The following PHF21A variants were observed in gnomAD, a reference collection of about 807,000 sequenced individuals.
The protein encoded by PHF21A is PHD finger protein 21A, also known as BHC80a.
PHF21A carries 11 observed loss-of-function variants against 82.5 expected under a neutral mutation model. That is an observed-to-expected ratio of 0.13 (90% CI 0.08 to 0.22). The LOEUF (loss-of-function observed/expected upper bound fraction) is 0.22. Among genes scored for constraint, PHF21A ranks in the 10% least tolerant of loss-of-function variants. The pLI, the probability that PHF21A is intolerant of heterozygous loss-of-function variation, is 1.00. For missense variants in PHF21A, 579 were observed against 837.8 expected (o/e 0.69, Z 3.81); for synonymous variants, 297 against 302.8 (o/e 0.98, Z 0.20).
intron 6 of PHF21A, among the ~76,000 whole-genome samples, chr11:46,008,973 T>C (rs2095357766): frequency 7.0e-6 from 1 of 142,486 alleles, no homozygotes; most frequent in African/African-American, 2.6e-5. Context: ...ACATTTCACT[T>C]TTTTTTTTTT....
chr11:45,944,424 T>G (rs1005466389), intron 15 of PHF21A, among the ~76,000 whole-genome samples: 2 of 152,200 alleles, frequency 1.3e-5, no homozygotes, highest in Non-Finnish European at 2.9e-5. Context: ...TTCTGTAGGT[T>G]TGAAAATTTT....
At chr11:45,975,119 G>T (rs563413977) in intron 7 of PHF21A, among the ~76,000 whole-genome samples, 5 of 152,024 alleles carry the variant, frequency 3.3e-5, no homozygotes, top group Middle Eastern at 3.4e-3. Flanking sequence ...TTTGAGACCA[G>T]CCTTGGCAAC....
At chr11:45,970,441 C>G (rs1002306998) in intron 8 of PHF21A, 2 of 152,758 alleles carry the variant, frequency 1.3e-5, no homozygotes, top group East Asian at 3.8e-4. Context: ...CCACCAAGAG[C>G]TCTTAGGTGC....
intron 3 of PHF21A, among the ~76,000 whole-genome samples, chr11:46,085,440 C>T (rs541360576): frequency 9.2e-5 from 14 of 152,244 alleles, no homozygotes; most frequent in Non-Finnish European, 5.9e-5. Context: ...TAAATTATTT[C>T]GATGGCTAAT....
intron 6 of PHF21A, among the ~76,000 whole-genome samples, chr11:46,039,543 A>G (rs895381178): frequency 6.6e-6 from 1 of 152,196 alleles, no homozygotes; most frequent in Non-Finnish European, 1.5e-5. Flanking sequence ...TGCAAGTGTC[A>G]GCATGGAGAA....
intron 9 of PHF21A, among the ~76,000 whole-genome samples, chr11:45,967,674 T>G (rs1345925739): frequency 6.6e-6 from 1 of 152,212 alleles, no homozygotes; most frequent in Non-Finnish European, 1.5e-5. Context: ...GATGCTATCT[T>G]GCTCACAAGC....
At chr11:46,033,055 A>C (rs2095900889) in intron 6 of PHF21A, among the ~76,000 whole-genome samples, 1 of 152,112 alleles carries the variant, frequency 6.6e-6, no homozygotes, top group Non-Finnish European at 1.5e-5. Flanking sequence ...CCACTTATAT[A>C]ATTATCCATA....
chr11:46,092,828 G>A (rs2096941997), intron 1 of PHF21A, among the ~76,000 whole-genome samples: 1 of 145,120 alleles, frequency 6.9e-6, no homozygotes, highest in African/African-American at 2.5e-5. Flanking sequence ...CACAATCACA[G>A]CTCACTGCAG....
intron 6 of PHF21A, among the ~76,000 whole-genome samples, chr11:46,051,417 C>A (rs570419148): frequency 2.6e-5 from 4 of 152,216 alleles, no homozygotes; most frequent in African/African-American, 7.2e-5. Flanking sequence ...TTTACCATTA[C>A]CTCCCACCTC....
At chr11:45,962,313 G>C (rs1050116166) in intron 10 of PHF21A, among the ~76,000 whole-genome samples, 4 of 152,154 alleles carry the variant, frequency 2.6e-5, no homozygotes, top group Admixed American at 2.0e-4. Flanking sequence ...TGGTAACTGT[G>C]AACAGGTGTG....
At chr11:46,084,047 C>A in intron 4 of PHF21A, 119 bp downstream of exon 4, 2 of 704,062 alleles carry the variant, frequency 2.8e-6, no homozygotes, top group Non-Finnish European at 2.2e-6. Context: ...CGACATGACT[C>A]TTGGACAAAA....
At chr11:46,028,465 GA>G (rs1234500940) in intron 6 of PHF21A, among the ~76,000 whole-genome samples, 2 of 150,180 alleles carry the variant, frequency 1.3e-5, no homozygotes, top group East Asian at 1.9e-4. Flanking sequence ...GCATTTTGAG[GA>G]AAAAAAGTTT....
intron 11 of PHF21A, among the ~76,000 whole-genome samples, chr11:45,951,001 C>T (rs528164393): frequency 6.6e-6 from 1 of 152,168 alleles, no homozygotes; most frequent in Non-Finnish European, 1.5e-5. Context: ...TCTCTGAAGA[C>T]CACTCTTAGG....
intron 6 of PHF21A, 78 bp from the exon 7 acceptor site, chr11:45,980,044 C>T: frequency 3.1e-6 from 5 of 1,591,026 alleles, no homozygotes; most frequent in Non-Finnish European, 4.3e-6. Flanking sequence ...GCTCTGACAT[C>T]TTTTCTATAA....
chr11:45,998,709 T>C (rs1265683904), intron 6 of PHF21A, among the ~76,000 whole-genome samples: 1 of 151,848 alleles, frequency 6.6e-6, no homozygotes, highest in Non-Finnish European at 1.5e-5. Context: ...ACGGGGTTTC[T>C]CCATGTTGGT....
intron 9 of PHF21A, among the ~76,000 whole-genome samples, chr11:45,969,202 G>A (rs1316448701): frequency 6.6e-6 from 1 of 152,154 alleles, no homozygotes; most frequent in Non-Finnish European, 1.5e-5. Context: ...CACTCCTCAA[G>A]GTCCAGAATG....
chr11:46,052,171 C>G (rs981730028), intron 6 of PHF21A, among the ~76,000 whole-genome samples: 1 of 152,048 alleles, frequency 6.6e-6, no homozygotes, highest in African/African-American at 2.4e-5. Context: ...CTGGTACTTC[C>G]AGGAAAAAAC....
At chr11:46,013,978 C>T (rs887050082) in intron 6 of PHF21A, among the ~76,000 whole-genome samples, 3 of 152,074 alleles carry the variant, frequency 2.0e-5, no homozygotes, top group Admixed American at 6.6e-5. Context: ...ACTTAGGCTA[C>T]GCTAATTTTA....
rs560923248 is a variant in PHF21A, at chr11:45,979,976, G to A, written c.154-10C>T. On this transcript the variant is annotated splice_polypyrimidine_tract_variant and intron_variant, in intron 6 of 18. Coordinates refer to ENST00000676320, the MANE Select transcript of PHF21A (RefSeq NM_001352027.3). ...GTTCAACTACTCTTTTCTACCAAAT[G>A]AAGACAAAAAGAAATAAAAGATATT... The A allele has an allele frequency of 8.1e-6, 13 of 1,613,840 alleles. No individual in the cohort carries two copies. The African/African-American group carries it at 1.7e-4, about 22-fold the overall frequency.
Sources: gnomAD v4.1 joint callset for allele counts (sites outside exome capture counted in the v4.1 genomes callset) on GRCh38, gnomAD v4.1.1 for gene constraint, MANE v1.5 for transcripts, NCBI Gene and HGNC (gene_info 2026-07-23, HGNC 2026-07-21) for gene names.